Variants in TBX19 observed in about 807,000 individuals in gnomAD.
TBX19 encodes T-box transcription factor TBX19.
In TBX19, 33 loss-of-function variants were observed where a neutral mutation model predicts 40.9. That is an observed-to-expected ratio of 0.81 (90% CI 0.61 to 1.08). TBX19 has a LOEUF of 1.08. Among genes scored for constraint, TBX19 ranks in the 50% least tolerant of loss-of-function variants. TBX19 has a pLI of 0.00. For missense variants in TBX19, 494 were observed against 574.0 expected (o/e 0.86, Z 1.42); for synonymous variants, 220 against 225.0 (o/e 0.98, Z 0.20).
chr1:168,299,517 C>T (rs756153873), intron 4 of TBX19, among the ~76,000 whole-genome samples: 20 of 152,192 alleles, frequency 1.3e-4, no homozygotes, highest in Middle Eastern at 3.4e-3. Flanking sequence ...TGCTCTATCA[C>T]GCGGACTGGA....
At position 168,312,964 on chromosome 1, in the gene TBX19, G is replaced by A. The variant is rs1331421328; in HGVS notation, c.1309G>A (p.Ala437Thr). The change falls in exon 8 of 8, where the codon GCG becomes ACG. Residue 437 changes from alanine (A) to threonine (T), a missense_variant. Around this residue, in one of 3 missense-constraint regions of TBX19, gnomAD observed 284 missense variants for 307.3 expected, o/e 0.92. Transcript: ENST00000367821. ...CTTCGCGGGCTGGGGTGGCCCAGGA[G>A]CGGGTGGGCACCATTCTCCTTCCTC... ...HPFAGWGGPG[A>T]GGHHSPSSLD... 1.9e-6 allele frequency: 3 copies of A among 1,614,144 alleles called. No homozygotes were observed. Among genetic ancestry groups the A allele is most frequent in the Non-Finnish European group, 2.5e-6 (3 of 1,180,058 alleles).
At chr1:168,292,756 CGGGA>C (rs1271932309) in intron 2 of TBX19, among the ~76,000 whole-genome samples, 2 of 145,904 alleles carry the variant, frequency 1.4e-5, no homozygotes, top group Non-Finnish European at 3.0e-5. Context: ...CCCAGCTACT[CGGGA>C]GGCTGAGGCA....
At chr1:168,290,892 A>G (rs1234619799) in intron 1 of TBX19, among the ~76,000 whole-genome samples, 2 of 152,290 alleles carry the variant, frequency 1.3e-5, no homozygotes, top group South Asian at 4.1e-4. Context: ...CATTTGATAC[A>G]TCTTGGGCTT....
At chr1:168,292,716 T>C (rs2102354274) in intron 2 of TBX19, among the ~76,000 whole-genome samples, 1 of 151,414 alleles carries the variant, frequency 6.6e-6, no homozygotes, top group East Asian at 2.0e-4. Flanking sequence ...TACAAAAAAT[T>C]AGCCGGGCGT....
chr1:168,288,483 G>A (rs1159400459), intron 1 of TBX19, among the ~76,000 whole-genome samples: 1 of 152,072 alleles, frequency 6.6e-6, no homozygotes, highest in Non-Finnish European at 1.5e-5. Flanking sequence ...TAGGAGTTGA[G>A]CCCAGGAATT....
chr1:168,293,409 C>T, intron 3 of TBX19, 131 bp downstream of exon 3: 2 of 1,205,584 alleles, frequency 1.7e-6, no homozygotes, highest in South Asian at 1.4e-5. Flanking sequence ...TTTGGATACA[C>T]TCAGCAGACA....
rs2102365588 is a variant in TBX19, at chr1:168,313,603, G to A, written c.*601G>A. On this transcript the variant is annotated 3_prime_UTR_variant, in exon 8 of 8. Coordinates refer to ENST00000367821, the MANE Select transcript of TBX19 (RefSeq NM_005149.3). ...AACCTTCAATGGTTCACCATTACCA[G>A]TGGAATGAAGTCAATTCTCCTCACT... 1 of 157,948 alleles carries A rather than the reference G, an allele frequency of 6.3e-6. No individual in the cohort carries two copies. Among genetic ancestry groups the A allele is most frequent in the Admixed American group, 6.0e-5 (1 of 16,602 alleles). The allele number at this position is 157,948 out of a possible 1,614,324, so 9.8% of individuals were successfully genotyped here. A position where few individuals can be genotyped will look rare whatever the true frequency, so the allele number is the denominator to read the frequency against.
intron 6 of TBX19, 31 bp downstream of exon 6, chr1:168,305,227 G>A: frequency 6.2e-7 from 1 of 1,603,694 alleles, no homozygotes; most frequent in Non-Finnish European, 8.5e-7. Context: ...AACCCTTGGG[G>A]TATGGGCTGG....
In TBX19 at chr1:168,281,076, G is replaced by A; in HGVS notation, c.-15G>A. 6 of 1,613,992 alleles carry A rather than the reference G, an allele frequency of 3.7e-6. No individual in the cohort carries two copies. The highest frequency in any genetic ancestry group is 5.1e-6 in the Non-Finnish European group (6 of 1,179,936). ...AAGTTGGGTAACGGCTCTCGGCAAA[G>A]TTCGAGAAGTGCCTATGGCCATGAG... On this transcript the variant is annotated 5_prime_UTR_variant, in exon 1 of 8. Transcript: ENST00000367821.
rs929785579 is a variant in TBX19 at position 168,291,504 on chromosome 1, A to G, written c.468+80A>G. On this transcript the variant is annotated intron_variant, in intron 2 of 7. Transcript: ENST00000367821. ...ATCAAGAAATATCAAGGGTGCATTTAGGCAATTAGAGGTGTCCTCACCAGC... is the reference window on the plus strand; with the variant it reads ...ATCAAGAAATATCAAGGGTGCATTTGGGCAATTAGAGGTGTCCTCACCAGC... 6.3e-6 allele frequency: 10 copies of G among 1,592,492 alleles called. No homozygotes were observed. The African/African-American group carries it at 1.3e-4, about 21-fold the overall frequency.
At chr1:168,299,970 G>A (rs1649233133) in intron 4 of TBX19, among the ~76,000 whole-genome samples, 1 of 152,134 alleles carries the variant, frequency 6.6e-6, no homozygotes, top group African/African-American at 2.4e-5. Context: ...TTTACTGGCT[G>A]TTTGTTCTTG....
chr1:168,309,448 A>T (rs1003906507), intron 7 of TBX19, among the ~76,000 whole-genome samples: 2 of 152,206 alleles, frequency 1.3e-5, no homozygotes, highest in Non-Finnish European at 2.9e-5. Context: ...ACCAGTCAGA[A>T]ATACTTTAAA....
At chr1:168,305,240 TG>T (rs1490291805) in intron 6 of TBX19, 44 bp downstream of exon 6, 12 of 1,594,830 alleles carry the variant, frequency 7.5e-6, no homozygotes, top group African/African-American at 1.3e-5. Flanking sequence ...TGGGCTGGGG[TG>T]GGGGCAGTCA....
At chr1:168,300,310 G>T (rs1184114933) in intron 4 of TBX19, 112 bp from the exon 5 acceptor site, 1 of 997,228 alleles carries the variant, frequency 1.0e-6, no homozygotes, top group African/African-American at 1.6e-5. Flanking sequence ...AAGGTGTTTG[G>T]TTTTCTTATT....
chr1:168,283,975 G>C (rs1648741480), intron 1 of TBX19, among the ~76,000 whole-genome samples: 1 of 151,910 alleles, frequency 6.6e-6, no homozygotes, highest in Non-Finnish European at 1.5e-5. Context: ...TAAATAGGAA[G>C]CTTGCCTCTG....
chr1:168,282,661 A>C (rs1648689238), intron 1 of TBX19, among the ~76,000 whole-genome samples: 1 of 152,204 alleles, frequency 6.6e-6, no homozygotes, highest in Non-Finnish European at 1.5e-5. Context: ...AATTTCACAG[A>C]ATTACACCAA....
chr1:168,284,653 G>C (rs2102350291), intron 1 of TBX19, among the ~76,000 whole-genome samples: 1 of 151,402 alleles, frequency 6.6e-6, no homozygotes, highest in Admixed American at 6.6e-5. Context: ...ACACCTACCT[G>C]TAGTCCCAGC....
At chr1:168,290,337 A>G (rs1210920082) in intron 1 of TBX19, among the ~76,000 whole-genome samples, 1 of 152,216 alleles carries the variant, frequency 6.6e-6, no homozygotes, top group African/African-American at 2.4e-5. Flanking sequence ...GCATGTCTCA[A>G]AGTGTGTTCT....
rs747160850 is a variant in TBX19 at position 168,300,503 on chromosome 1, G to T, written c.727+20G>T. 1 of 1,613,200 alleles carries T rather than the reference G, an allele frequency of 6.2e-7. No individual in the cohort carries two copies. The highest frequency in any genetic ancestry group is 8.5e-7 in the Non-Finnish European group (1 of 1,179,382). On this transcript the variant is annotated intron_variant, in intron 5 of 7. Transcript: ENST00000367821. Reference sequence around the variant, plus strand: ...CTCACTGTGAGTTGGGTGTACATGAGGCGGGAGGTGCGTGGGGCTGTACCT... The same window carrying T: ...CTCACTGTGAGTTGGGTGTACATGATGCGGGAGGTGCGTGGGGCTGTACCT...
Sources: gnomAD v4.1 joint callset for allele counts (sites outside exome capture counted in the v4.1 genomes callset) on GRCh38, gnomAD v4.1.1 for gene constraint, gnomAD v4.1.1 regional missense constraint, MANE v1.5 for transcripts, NCBI Gene and HGNC (gene_info 2026-07-23, HGNC 2026-07-21) for gene names.